ANKS1B: variants seen among roughly 807,000 people sequenced by gnomAD.
ANKS1B encodes the protein ankyrin repeat and sterile alpha motif domain-containing protein 1B.
ANKS1B carries 36 observed loss-of-function variants against 148.3 expected under a neutral mutation model. That is an observed-to-expected ratio of 0.24 (90% confidence interval 0.19 to 0.32). ANKS1B has a LOEUF of 0.32. Ranked by LOEUF, ANKS1B falls within the 10% of genes least tolerant of loss-of-function variation. The pLI, the probability that ANKS1B is intolerant of heterozygous loss-of-function variation, is 1.00. For synonymous variants in ANKS1B, 542 were observed against 560.8 expected (o/e 0.97, Z 0.47); for missense variants, 1,157 against 1,542.6 (o/e 0.75, Z 4.19).
intron 12 of ANKS1B, among the ~76,000 whole-genome samples, chr12:99,322,836 G>A (rs936458093): frequency 4.6e-5 from 7 of 152,134 alleles, no homozygotes; most frequent in South Asian, 2.1e-4. Flanking sequence ...AGTTTTCCCC[G>A]TACCGTTCTC....
At chr12:99,103,087 G>A (rs928296219) in intron 15 of ANKS1B, among the ~76,000 whole-genome samples, 1 of 152,134 alleles carries the variant, frequency 6.6e-6, no homozygotes, top group African/African-American at 2.4e-5. Context: ...CTGGAGGTAG[G>A]AGGGGTAGGC....
chr12:98,893,340 C>A (rs1293798767), intron 17 of ANKS1B, among the ~76,000 whole-genome samples: 1 of 152,126 alleles, frequency 6.6e-6, no homozygotes, highest in Non-Finnish European at 1.5e-5. Flanking sequence ...CTCGAATAAC[C>A]CAGATACCAG....
chr12:98,914,343 C>T (rs2099791091), intron 17 of ANKS1B, among the ~76,000 whole-genome samples: 2 of 152,094 alleles, frequency 1.3e-5, no homozygotes, highest in Admixed American at 6.5e-5. Context: ...AACCATGAGC[C>T]AGACAAACCT....
intron 19 of ANKS1B, among the ~76,000 whole-genome samples, chr12:98,809,206 C>A (rs536375806): frequency 5.3e-4 from 80 of 152,290 alleles, no homozygotes; most frequent in African/African-American, 1.8e-3. Flanking sequence ...CTCTGCTATC[C>A]TCAGTTCCCT....
rs539193517 is a variant in ANKS1B, at chr12:98,957,772, T to C, written c.2778+95385A>G. Among the ~76,000 whole-genome samples, 14 of 152,270 alleles carry C rather than the reference T, an allele frequency of 9.2e-5. No homozygotes were observed. In the East Asian group the frequency reaches 2.3e-3, roughly 25 times the overall value. On this transcript the variant is annotated intron_variant, in intron 17 of 26. Transcript: ENST00000683438. ...TTTCACTTAGATTAATATACATAGA[T>C]TTATAGTAGCTTGTGGGGGACTGAT...
chr12:99,387,417 A>C (rs531959092), intron 12 of ANKS1B, among the ~76,000 whole-genome samples: 1 of 152,170 alleles, frequency 6.6e-6, no homozygotes, highest in South Asian at 2.1e-4. Context: ...GGAGATGGAG[A>C]CCATCCTGGC....
intron 9 of ANKS1B, among the ~76,000 whole-genome samples, chr12:99,556,244 G>T (rs1438419607): frequency 6.6e-6 from 1 of 152,140 alleles, no homozygotes; most frequent in African/African-American, 2.4e-5. Context: ...GTTCCTGAGG[G>T]TTTTGTGTAT....
intron 12 of ANKS1B, among the ~76,000 whole-genome samples, chr12:99,313,301 G>C (rs555339328): frequency 6.6e-6 from 1 of 152,164 alleles, no homozygotes; most frequent in Non-Finnish European, 1.5e-5. Flanking sequence ...TAAAAGTCCA[G>C]GATCAGACAG....
intron 12 of ANKS1B, among the ~76,000 whole-genome samples, chr12:99,306,322 C>T (rs958831904): frequency 6.6e-6 from 1 of 152,026 alleles, no homozygotes; most frequent in Non-Finnish European, 1.5e-5. Context: ...AGACCCGATG[C>T]CATCAAATAC....
intron 9 of ANKS1B, among the ~76,000 whole-genome samples, chr12:99,605,666 A>G (rs2097846397): frequency 6.6e-6 from 1 of 152,118 alleles, no homozygotes; most frequent in African/African-American, 2.4e-5. Context: ...ACAGGATTGT[A>G]TTCTTTTTTA....
At position 98,781,154 on chromosome 12, in the gene ANKS1B, G is replaced by T; in HGVS notation, c.3404C>A (p.Ser1135Ter). 6.3e-7 allele frequency: 1 copy of T among 1,585,304 alleles called. No homozygotes were observed. ...ATCAATAAATTTGACTCCTTTATAT[G>T]AGACAGAAAGAATAATAGTAGGGAC... is the stretch of plus-strand genomic sequence containing the variant. ...KKVPTIILSV[S>*]YKGVKFIDAT... Residue 1135 changes from serine to a stop codon, truncating the protein, a stop_gained, in exon 24 of 27, where the codon TCA becomes TAA. Coordinates refer to ENST00000683438, the MANE Select transcript of ANKS1B (RefSeq NM_001352186.2). LOFTEE classifies it high-confidence loss of function.
At chr12:99,214,169 T>C (rs2083780415) in intron 14 of ANKS1B, among the ~76,000 whole-genome samples, 1 of 152,210 alleles carries the variant, frequency 6.6e-6, no homozygotes, top group African/African-American at 2.4e-5. Context: ...TTTCACTATA[T>C]ATGATATAAA....
rs541492423 is a variant in ANKS1B, at chr12:99,215,454, C to T, written c.2419+28888G>A. Among the ~76,000 whole-genome samples, 5 of 152,308 alleles carry T rather than the reference C, an allele frequency of 3.3e-5. No individual in the cohort carries two copies. The South Asian group carries it at 8.3e-4, about 25-fold the overall frequency. On this transcript the variant is annotated intron_variant, in intron 14 of 26. Transcript: ENST00000683438. Reference sequence around the variant, plus strand: ...GAGGTAGAGCCACTGACAGCTTGTACCGTGTGTCTGGAAAACCCACAGACA... The same window carrying T: ...GAGGTAGAGCCACTGACAGCTTGTATCGTGTGTCTGGAAAACCCACAGACA...
intron 17 of ANKS1B, among the ~76,000 whole-genome samples, chr12:98,850,713 C>T (rs1216281337): frequency 3.3e-5 from 5 of 151,598 alleles, no homozygotes; most frequent in East Asian, 1.9e-4. Context: ...GTGATCCGCC[C>T]GCCTCAGCCT....
chr12:99,841,136 T>C (rs2085678427), intron 1 of ANKS1B, among the ~76,000 whole-genome samples: 1 of 152,086 alleles, frequency 6.6e-6, no homozygotes, highest in African/African-American at 2.4e-5. Context: ...AATATACCAG[T>C]AATAGCTAGC....
chr12:99,698,973 G>GT (rs56223205), intron 8 of ANKS1B, among the ~76,000 whole-genome samples: 184 of 119,518 alleles, frequency 1.5e-3, no homozygotes, highest in African/African-American at 4.2e-3. Flanking sequence ...TGTGTGTGTG[G>GT]GTGTGCACGC....
At chr12:99,348,324 A>G (rs2090995173) in intron 12 of ANKS1B, among the ~76,000 whole-genome samples, 2 of 151,778 alleles carry the variant, frequency 1.3e-5, no homozygotes, top group Admixed American at 6.6e-5. Flanking sequence ...CTTTTCTTAT[A>G]TATTCTTCTT....
chr12:99,754,268 C>T (rs1480275894), intron 8 of ANKS1B, among the ~76,000 whole-genome samples: 1 of 152,024 alleles, frequency 6.6e-6, no homozygotes, highest in Non-Finnish European at 1.5e-5. Flanking sequence ...CAAAAGAGGG[C>T]ATTACATAAT....
chr12:99,611,131 T>C (rs529083000), intron 9 of ANKS1B, among the ~76,000 whole-genome samples: 2 of 152,254 alleles, frequency 1.3e-5, no homozygotes, highest in South Asian at 2.1e-4. Flanking sequence ...AAACACTTTA[T>C]ATCAATAGTG....
Sources: gnomAD v4.1 joint callset for allele counts (sites outside exome capture counted in the v4.1 genomes callset) on GRCh38, gnomAD v4.1.1 for gene constraint, MANE v1.5 for transcripts, NCBI Gene and HGNC (gene_info 2026-07-23, HGNC 2026-07-21) for gene names.